GDF5: variants seen among roughly 807,000 people sequenced by gnomAD.
The protein encoded by GDF5 is growth/differentiation factor 5.
In GDF5, 17 loss-of-function variants were observed where a neutral mutation model predicts 34.6. That is an observed-to-expected ratio of 0.49 (90% CI 0.34 to 0.74). GDF5 has a LOEUF of 0.74. Among genes scored for constraint, GDF5 ranks in the 30% least tolerant of loss-of-function variants. GDF5 has a pLI of 0.01. For missense variants in GDF5, 616 were observed against 661.2 expected (o/e 0.93, Z 0.75); for synonymous variants, 332 against 290.7 (o/e 1.14, Z -1.44).
upstream of GDF5, among the ~76,000 whole-genome samples, chr20:35,439,006 T>A (rs1398211731): frequency 6.6e-6 from 1 of 151,914 alleles, no homozygotes; most frequent in Non-Finnish European, 1.5e-5. Flanking sequence ...AAAATATCAG[T>A]GCCCACTACA....
chr20:35,437,272 G>A lies in GDF5; in HGVS notation c.631+26C>T, dbSNP rs750669645. ...ATGCAGATGCCCCTCCCTCTGAGCC[G>A]TGCCCCTGCCACCCCGCCCCCTCAC... is the stretch of plus-strand genomic sequence containing the variant. On this transcript the variant is annotated intron_variant, in intron 1 of 1. Coordinates refer to ENST00000374369, the MANE Select transcript of GDF5 (RefSeq NM_000557.5). 7.9e-6 allele frequency: 12 copies of A among 1,520,864 alleles called. No homozygotes were observed. The Middle Eastern group carries it at 7.0e-4, about 89-fold the overall frequency. The allele number at this position is 1,520,864 out of a possible 1,614,324, so 94.2% of individuals were successfully genotyped here. A position where few individuals can be genotyped will look rare whatever the true frequency, so the allele number is the denominator to read the frequency against.
upstream of GDF5, among the ~76,000 whole-genome samples, chr20:35,439,653 G>T (rs536760945): frequency 6.6e-6 from 1 of 152,204 alleles, no homozygotes; most frequent in South Asian, 2.1e-4. Context: ...TCGCCGTAGA[G>T]CCCCTGGGCA....
chr20:35,446,228 T>C (rs1438182567), intron 1 of GDF5, among the ~76,000 whole-genome samples: 1 of 151,024 alleles, frequency 6.6e-6, no homozygotes. Flanking sequence ...GAGAATTGCT[T>C]GAACCCAGGA....
chr20:35,445,249 T>C (rs78650933), intron 1 of GDF5, among the ~76,000 whole-genome samples: 1,752 of 152,200 alleles, frequency 0.012, 18 homozygotes, highest in Non-Finnish European at 0.019. Context: ...GGCAAACCGG[T>C]AAAAACATAC....
intron 1 of GDF5, among the ~76,000 whole-genome samples, chr20:35,450,196 C>G (rs879471509): frequency 6.7e-5 from 10 of 150,226 alleles, no homozygotes; most frequent in Admixed American, 1.3e-4. Flanking sequence ...ATCCCAGCTT[C>G]TCAGGAGGCT....
rs142620981 is a variant in GDF5, at chr20:35,434,374, G to A, written c.1041C>T (p.Arg347=). 2 of 1,613,618 alleles carry A rather than the reference G, an allele frequency of 1.2e-6. No homozygotes were observed. Among genetic ancestry groups the A allele is most frequent in the African/African-American group, 1.3e-5 (1 of 74,936 alleles). Residue 347 remains arginine, a synonymous_variant, in exon 2 of 2, where the codon CGC becomes CGT. Coordinates refer to ENST00000374369, the MANE Select transcript of GDF5 (RefSeq NM_000557.5). ...TAAAGAACAGGTCCCGTTTCTTGGT[G>A]CGGCCAAACACCAGGAACAGGGCTT... ...HEKALFLVFG[R]TKKRDLFFNE...
chr20:35,447,312 A>G (rs899077565), intron 1 of GDF5, among the ~76,000 whole-genome samples: 6 of 152,260 alleles, frequency 3.9e-5, no homozygotes, highest in South Asian at 2.1e-4. Flanking sequence ...GAATTTAACA[A>G]TGAAAACCTG....
rs2062455265 is a variant in GDF5, at chr20:35,433,979, A to G, written c.1436T>C (p.Ile479Thr). 9 of 1,614,014 alleles carry G rather than the reference A, an allele frequency of 5.6e-6. No individual in the cohort carries two copies. The highest frequency in any genetic ancestry group is 6.8e-6 in the Non-Finnish European group (8 of 1,179,882). Residue 479 changes from isoleucine (I) to threonine (T), a missense_variant, in exon 2 of 2, where the codon ATT becomes ACT. Physicochemically the swap from Ile to Thr is moderately conservative, Grantham distance 89. Coordinates refer to ENST00000374369, the MANE Select transcript of GDF5 (RefSeq NM_000557.5). ...ATACACCACGTTGTTGGCAGAGTCA[A>G]TGAAGAGGATGCTGATGGGACTCAG... ...TRLSPISILFIDSANNVVYKQ... is the reference protein window; with the variant it reads ...TRLSPISILFTDSANNVVYKQ...
At chr20:35,438,821 A>ATGTGTGTGTG (rs1177580555), upstream of GDF5, among the ~76,000 whole-genome samples, 358 of 44,992 alleles carry the variant, frequency 8.0e-3, no homozygotes, top group African/African-American at 0.017. Context: ...CTGATTTGTT[A>ATGTGTGTGTG]TGCGTGTGTG....
chr20:35,448,424 A>T, intron 1 of GDF5, among the ~76,000 whole-genome samples: 1 of 134,738 alleles, frequency 7.4e-6, no homozygotes, highest in African/African-American at 2.7e-5. Flanking sequence ...ATATATATAT[A>T]TATATAGTTA....
At chr20:35,435,109 G>A (rs1442981725) in intron 1 of GDF5, 1 of 598,716 alleles carries the variant, frequency 1.7e-6, no homozygotes, top group Non-Finnish European at 3.0e-6. Context: ...TCCCAGCCAT[G>A]AGCTAACGTG....
At chr20:35,441,791 A>G (rs948738015), upstream of GDF5, among the ~76,000 whole-genome samples, 4 of 152,016 alleles carry the variant, frequency 2.6e-5, no homozygotes, top group Non-Finnish European at 5.9e-5. Flanking sequence ...ATTCCAGTCA[A>G]CTAGACTCTG....
upstream of GDF5, among the ~76,000 whole-genome samples, chr20:35,440,652 C>A (rs773899902): frequency 6.6e-6 from 1 of 152,230 alleles, no homozygotes; most frequent in Non-Finnish European, 1.5e-5. Context: ...CATTTTTTGG[C>A]AGCTGAAAGT....
intron 1 of GDF5, among the ~76,000 whole-genome samples, chr20:35,445,873 G>A (rs930282342): frequency 6.6e-6 from 1 of 151,958 alleles, no homozygotes; most frequent in African/African-American, 2.4e-5. Flanking sequence ...GGAGGCTGAG[G>A]CAGGAGAATT....
In GDF5 at chr20:35,434,032, T is replaced by C. The variant is rs1201002469; in HGVS notation, c.1383A>G (p.Thr461=). The stretch of plus-strand genomic sequence containing the variant: ...GCGTGGGCACACAGCAGGTGGGTGG[T>C]GTGGACTCGGGGTCCATGGAGTTCA... ...TLMNSMDPES[T]PPTCCVPTRL... Residue 461 remains threonine (T), a synonymous_variant, in exon 2 of 2, where the codon ACA becomes ACG. Transcript: ENST00000374369. 3.7e-6 allele frequency: 6 copies of C among 1,613,954 alleles called. No individual in the cohort carries two copies. The highest frequency in any genetic ancestry group is 5.1e-6 in the Non-Finnish European group (6 of 1,179,982).
intron 1 of GDF5, among the ~76,000 whole-genome samples, chr20:35,449,218 C>T (rs986471471): frequency 6.6e-6 from 1 of 152,076 alleles, no homozygotes; most frequent in African/African-American, 2.4e-5. Context: ...GTTCTTCTGA[C>T]TCAGCCTCTT....
rs1336487085 is a variant in GDF5, at chr20:35,437,440, G to A, written c.489C>T (p.Arg163=). ...ACTCGTGGGGTGTGATGGGGGGTGGGCGAAACGGCTCCTTGGGCTCTCGTG... is the reference window on the plus strand; with the variant it reads ...ACTCGTGGGGTGTGATGGGGGGTGGACGAAACGGCTCCTTGGGCTCTCGTG... The part of the protein sequence containing the change: ...GPPREPKEPF[R]PPPITPHEYM... Residue 163 remains arginine, a synonymous_variant, in exon 1 of 2, where the codon CGC becomes CGT. Transcript: ENST00000374369. The A allele has an allele frequency of 6.2e-7, 1 of 1,614,002 alleles. No homozygotes were observed. The highest frequency in any genetic ancestry group is 2.2e-5 in the East Asian group (1 of 44,868).
chr20:35,439,269 G>A (rs563200652), upstream of GDF5, among the ~76,000 whole-genome samples: 8 of 139,346 alleles, frequency 5.7e-5, no homozygotes, highest in South Asian at 1.6e-3. Context: ...ACGGAGTCTC[G>A]CTCTGTCGAG....
At chr20:35,435,039 T>C (rs1004059688) in intron 1 of GDF5, 1 of 629,514 alleles carries the variant, frequency 1.6e-6, no homozygotes, top group Non-Finnish European at 2.9e-6. Context: ...GGTGTTTGTG[T>C]CATGATATAC....
Sources: allele counts gnomAD v4.1 joint callset (sites outside exome capture counted in the v4.1 genomes callset), GRCh38; gene constraint gnomAD v4.1.1; transcripts MANE v1.5; gene names NCBI Gene and HGNC (gene_info 2026-07-23, HGNC 2026-07-21).